Variants in CCDC69 observed in about 807,000 individuals in gnomAD.
CCDC69 encodes coiled-coil domain-containing protein 69.
CCDC69 carries 38 observed loss-of-function variants against 40.3 expected under a neutral mutation model. The observed-to-expected ratio is 0.94, with a 90% CI of 0.73 to 1.24. CCDC69 has a LOEUF of 1.24. Ranked by LOEUF, CCDC69 falls within the 50% of genes most tolerant of loss-of-function variation. The probability of loss-of-function intolerance (pLI) is 0.00; values close to 1 mark genes in which losing one functional copy is unlikely to be tolerated. For synonymous variants in CCDC69, 141 were observed against 138.9 expected (o/e 1.02, Z -0.11); for missense variants, 389 against 357.9 (o/e 1.09, Z -0.70).
intron 1 of CCDC69, among the ~76,000 whole-genome samples, chr5:151,216,361 C>T (rs1019729273): frequency 6.7e-6 from 1 of 149,656 alleles, no homozygotes; most frequent in Non-Finnish European, 1.5e-5. Flanking sequence ...TTACTGTGGT[C>T]AAGGAAGGGT....
At position 151,205,608 on chromosome 5, in the gene CCDC69, G is replaced by A. The variant is rs79834434; in HGVS notation, c.49-133C>T. On this transcript the variant is annotated intron_variant, in intron 1 of 8. Coordinates refer to ENST00000355417, the MANE Select transcript of CCDC69 (RefSeq NM_015621.3). The stretch of plus-strand genomic sequence containing the variant: ...ACACCAGACCCTGCCCCACGCCTGC[G>A]CATTGGGCTGCCTCGCAGCCCCAGG... 3.0e-3 allele frequency: 2,135 copies of A among 722,672 alleles called. 5 individuals carry two copies. The highest frequency in any genetic ancestry group is 0.016 in the African/African-American group (912 of 56,774). The allele number at this position is 722,672 out of a possible 1,614,324, so 44.8% of individuals were successfully genotyped here.
chr5:151,207,196 G>A (rs1365628343), intron 1 of CCDC69, among the ~76,000 whole-genome samples: 1 of 152,138 alleles, frequency 6.6e-6, no homozygotes, highest in Non-Finnish European at 1.5e-5. Context: ...GGGATTAGAG[G>A]CCTGAGCCAC....
chr5:151,186,408 G>A (rs1290704124), intron 5 of CCDC69, among the ~76,000 whole-genome samples: 1 of 145,462 alleles, frequency 6.9e-6, no homozygotes, highest in Admixed American at 6.9e-5. Flanking sequence ...AGGGAGATAG[G>A]GAGGGGAAGG....
chr5:151,195,593 C>T lies in CCDC69; in HGVS notation c.319+3404G>A, dbSNP rs185224713. 2.2e-3 allele frequency among the ~76,000 whole-genome samples: 339 copies of T among 151,932 alleles called. 2 individuals are homozygous for T. Among genetic ancestry groups the T allele is most frequent in the African/African-American group, 8.0e-3 (332 of 41,420 alleles). ...AATTAGCCAGGCGTGGTTGCAGGTGCCTGTAATCCCAGCTACTCGGGAGGC... is the reference window on the plus strand; with the variant it reads ...AATTAGCCAGGCGTGGTTGCAGGTGTCTGTAATCCCAGCTACTCGGGAGGC... On this transcript the variant is annotated intron_variant, in intron 4 of 8. Transcript: ENST00000355417.
intron 1 of CCDC69, among the ~76,000 whole-genome samples, chr5:151,219,848 C>A (rs934557082): frequency 6.6e-6 from 1 of 151,980 alleles, no homozygotes; most frequent in African/African-American, 2.4e-5. Context: ...AGGTTTGCAT[C>A]CCCTCTAATA....
At chr5:151,208,351 T>C (rs1438894288) in intron 1 of CCDC69, among the ~76,000 whole-genome samples, 1 of 152,222 alleles carries the variant, frequency 6.6e-6, no homozygotes, top group Non-Finnish European at 1.5e-5. Context: ...ACCACTGAAA[T>C]ACTTCTAGAA....
At chr5:151,190,880 A>T (rs1209632340) in intron 4 of CCDC69, among the ~76,000 whole-genome samples, 2 of 152,072 alleles carry the variant, frequency 1.3e-5, no homozygotes, top group Non-Finnish European at 2.9e-5. Flanking sequence ...ACATCCTAAA[A>T]TGGTAGACTT....
intron 8 of CCDC69, 43 bp from the exon 9 acceptor site, chr5:151,183,657 C>T (rs1315345900): frequency 1.3e-6 from 2 of 1,549,726 alleles, no homozygotes; most frequent in South Asian, 2.5e-5. Flanking sequence ...CTGGGAGCAG[C>T]TGCCACAGAG....
intron 1 of CCDC69, among the ~76,000 whole-genome samples, chr5:151,219,058 G>A (rs900769051): frequency 6.6e-6 from 1 of 152,212 alleles, no homozygotes; most frequent in Admixed American, 6.5e-5. Context: ...TAGGAAGATT[G>A]GTGGGCATTA....
intron 1 of CCDC69, chr5:151,215,586 C>A: frequency 2.6e-6 from 1 of 388,884 alleles, no homozygotes; most frequent in Non-Finnish European, 5.4e-6. Flanking sequence ...AGGAGGGTCC[C>A]TTGCTCAGGA....
chr5:151,217,838 T>G (rs1753071961), intron 1 of CCDC69, among the ~76,000 whole-genome samples: 1 of 152,158 alleles, frequency 6.6e-6, no homozygotes, highest in South Asian at 2.1e-4. Flanking sequence ...TCTGGGTGAA[T>G]GTAAATGTAG....
At chr5:151,192,760 C>A (rs1004929589) in intron 4 of CCDC69, among the ~76,000 whole-genome samples, 1 of 152,100 alleles carries the variant, frequency 6.6e-6, no homozygotes, top group Non-Finnish European at 1.5e-5. Flanking sequence ...CTCAGTAAAA[C>A]ATTAGAGGAT....
chr5:151,186,406 A>T (rs1483271179), intron 5 of CCDC69, among the ~76,000 whole-genome samples: 1 of 57,296 alleles, frequency 1.7e-5, no homozygotes, highest in Non-Finnish European at 3.4e-5. Context: ...GGAGGGAGAT[A>T]GGGAGGGGAA....
intron 2 of CCDC69, among the ~76,000 whole-genome samples, chr5:151,203,488 A>G (rs549699438): frequency 6.6e-6 from 1 of 150,708 alleles, no homozygotes; most frequent in East Asian, 1.9e-4. Flanking sequence ...CCAGCCTGGC[A>G]ACAAGAGTGA....
At chr5:151,221,188 C>T (rs1188273213) in intron 1 of CCDC69, among the ~76,000 whole-genome samples, 3 of 152,156 alleles carry the variant, frequency 2.0e-5, no homozygotes, top group Non-Finnish European at 2.9e-5. Flanking sequence ...ACTCAGCAGA[C>T]CCCCAGATCC....
At chr5:151,194,891 C>CAAAAAAAAA (rs59836328) in intron 4 of CCDC69, among the ~76,000 whole-genome samples, 3 of 92,302 alleles carry the variant, frequency 3.3e-5, no homozygotes, top group African/African-American at 4.4e-5. Flanking sequence ...GCCTCCATCT[C>CAAAAAAAAA]AAAAAAAAAA....
At chr5:151,217,647 G>A (rs924935345) in intron 1 of CCDC69, among the ~76,000 whole-genome samples, 5 of 152,128 alleles carry the variant, frequency 3.3e-5, no homozygotes, top group African/African-American at 7.2e-5. Flanking sequence ...GCAATCCTTC[G>A]TTCTCTGGCT....
At chr5:151,223,854 C>T (rs1582055694) in intron 1 of CCDC69, 69 bp downstream of exon 1, 15 of 1,495,132 alleles carry the variant, frequency 1.0e-5, no homozygotes, top group Admixed American at 7.3e-5. Flanking sequence ...GGCGCCGAGT[C>T]CTCTGCGGCG....
chr5:151,197,365 A>C (rs553325068), intron 4 of CCDC69, among the ~76,000 whole-genome samples: 2 of 152,160 alleles, frequency 1.3e-5, no homozygotes, highest in African/African-American at 4.8e-5. Context: ...CCATCTCTAC[A>C]AAAAAATATA....
Sources: allele counts gnomAD v4.1 joint callset (sites outside exome capture counted in the v4.1 genomes callset), GRCh38; gene constraint gnomAD v4.1.1; transcripts MANE v1.5; gene names NCBI Gene and HGNC (gene_info 2026-07-23, HGNC 2026-07-21).